The following FERMT2 variants were observed in gnomAD, a reference collection of about 807,000 sequenced individuals.
FERMT2 encodes FERM domain containing kindlin 2.
FERMT2 carries 15 observed loss-of-function variants against 82.7 expected under a neutral mutation model. That is an observed-to-expected ratio of 0.18 (90% CI 0.12 to 0.28). The LOEUF is 0.28. Among genes scored for constraint, FERMT2 ranks in the 10% least tolerant of loss-of-function variants. The pLI is 1.00. For synonymous variants in FERMT2, 274 were observed against 271.5 expected (o/e 1.01, Z -0.09); for missense variants, 645 against 809.4 (o/e 0.80, Z 2.46).
chr14:52,909,462 A>G (rs1888193074), intron 3 of FERMT2, among the ~76,000 whole-genome samples: 1 of 152,198 alleles, frequency 6.6e-6, no homozygotes, highest in African/African-American at 2.4e-5. Context: ...TATGTGAAAA[A>G]GAAGGCTCTT....
At chr14:52,948,385 G>A (rs1038759136) in intron 2 of FERMT2, among the ~76,000 whole-genome samples, 4 of 152,182 alleles carry the variant, frequency 2.6e-5, no homozygotes, top group Non-Finnish European at 5.9e-5. Flanking sequence ...GATAGGCAAC[G>A]AAATAGCTTA....
chr14:52,879,705 T>A (rs1042067821), intron 6 of FERMT2, among the ~76,000 whole-genome samples: 1 of 152,086 alleles, frequency 6.6e-6, no homozygotes, highest in South Asian at 2.1e-4. Context: ...AATGTAAACA[T>A]AACATTAAAA....
rs114495306 is a variant in FERMT2 at position 52,919,068 on chromosome 14, G to A, written c.391+55C>T. The A allele has an allele frequency of 2.1e-4, 261 of 1,219,832 alleles. 1 individual carries two copies. In the African/African-American group the frequency reaches 3.2e-3, roughly 15 times the overall value. 75.6% of individuals were successfully genotyped at this position (1,219,832 alleles called of 1,614,324 possible). A position where few individuals can be genotyped will look rare whatever the true frequency, so the allele number is the denominator to read the frequency against. ...CTTGGGATAAGCTATGTCAGTCATC[G>A]GTCATCTGTACATCACATAACTCGT... On this transcript the variant is annotated intron_variant, in intron 3 of 14. Transcript: ENST00000341590.
At chr14:52,892,166 G>GGTT (rs1269194279) in intron 4 of FERMT2, among the ~76,000 whole-genome samples, 1 of 128,862 alleles carries the variant, frequency 7.8e-6, no homozygotes, top group African/African-American at 2.9e-5. Flanking sequence ...GCTGTTTTTT[G>GGTT]TTTTTTTTTT....
intron 4 of FERMT2, among the ~76,000 whole-genome samples, chr14:52,890,272 ATC>A (rs1173337516): frequency 6.6e-6 from 1 of 151,534 alleles, no homozygotes; most frequent in African/African-American, 2.4e-5. Flanking sequence ...GTGAAACCCC[ATC>A]TCTACTAAAA....
Position 52,939,696 on chromosome 14 carries a change from G to C in FERMT2, c.157+10716C>G, listed in dbSNP as rs184229759. Among the ~76,000 whole-genome samples, 204 of 152,314 alleles carry C rather than the reference G, an allele frequency of 1.3e-3. 2 individuals are homozygous for C. The highest frequency in any genetic ancestry group is 4.6e-3 in the African/African-American group (191 of 41,562). On this transcript the variant is annotated intron_variant, in intron 2 of 14. Transcript: ENST00000341590. ...ATGGTCAAGTCAGGATTCTGACGTG[G>C]GTGGGCTGCCTCTCAGTCTATGCTC...
chr14:52,944,606 T>C (rs116843130), intron 2 of FERMT2, among the ~76,000 whole-genome samples: 1,802 of 152,348 alleles, frequency 0.012, 53 homozygotes, highest in East Asian at 0.074. Context: ...GCTCAATTAA[T>C]GAAACTTATT....
At chr14:52,874,670 T>G (rs1885840265) in intron 8 of FERMT2, among the ~76,000 whole-genome samples, 1 of 152,214 alleles carries the variant, frequency 6.6e-6, no homozygotes, top group Non-Finnish European at 1.5e-5. Flanking sequence ...AAGTGGATTT[T>G]TACCATGACT....
rs114662885 is a variant in FERMT2 at position 52,873,194 on chromosome 14, C to T, written c.1149-271G>A. Among the ~76,000 whole-genome samples, 1,446 of 152,264 alleles carry T rather than the reference C, an allele frequency of 9.5e-3. 24 individuals are homozygous for T. The highest frequency in any genetic ancestry group is 0.033 in the African/African-American group (1,367 of 41,540). On this transcript the variant is annotated intron_variant, in intron 9 of 14. Transcript: ENST00000341590. ...CAGTATTCTGCAGCTGTAGCCATCA[C>T]ATCTATCACTAACTAGCAGGTCACA...
chr14:52,887,332 G>A (rs1259866211), intron 4 of FERMT2, among the ~76,000 whole-genome samples: 1 of 151,874 alleles, frequency 6.6e-6, no homozygotes, highest in Non-Finnish European at 1.5e-5. Context: ...GGGAAACATG[G>A]CAAAACCTCA....
At chr14:52,948,742 A>T in intron 2 of FERMT2, among the ~76,000 whole-genome samples, 1 of 152,184 alleles carries the variant, frequency 6.6e-6, no homozygotes, top group East Asian at 1.9e-4. Context: ...AGAAACCATT[A>T]TTTATTCATT....
At chr14:52,884,225 A>T (rs1165977437) in intron 4 of FERMT2, among the ~76,000 whole-genome samples, 1 of 152,168 alleles carries the variant, frequency 6.6e-6, no homozygotes, top group Non-Finnish European at 1.5e-5. Context: ...TATTATTCTC[A>T]CTTCAGAGGA....
chr14:52,937,758 G>A (rs1386632015), intron 2 of FERMT2, among the ~76,000 whole-genome samples: 1 of 152,144 alleles, frequency 6.6e-6, no homozygotes, highest in Non-Finnish European at 1.5e-5. Context: ...AATAGAGCAT[G>A]AATGTATAGA....
chr14:52,902,442 T>C (rs1219667352), intron 3 of FERMT2, among the ~76,000 whole-genome samples: 26 of 151,558 alleles, frequency 1.7e-4, no homozygotes, highest in Non-Finnish European at 2.9e-5. Flanking sequence ...AGACTTTAGA[T>C]ATTAACAACA....
At chr14:52,883,080 G>A (rs11157933) in intron 4 of FERMT2, among the ~76,000 whole-genome samples, 115,133 of 152,018 alleles carry the variant, frequency 0.76, 46,701 homozygotes, top group Non-Finnish European at 0.89. Context: ...CGCTATTCGG[G>A]AGGCGAAGGC....
rs1409814664 is a variant in FERMT2 at position 52,872,779 on chromosome 14, C to A, written c.1273+20G>T. On this transcript the variant is annotated intron_variant, in intron 10 of 14. Transcript: ENST00000341590. ...ATGGGGATGCCACCATCAACAACAG[C>A]CGTGCCAGGCTCTCCTTACCCCTGA... 6 of 1,612,290 alleles carry A rather than the reference C, an allele frequency of 3.7e-6. No individual in the cohort carries two copies. Among genetic ancestry groups the A allele is most frequent in the Non-Finnish European group, 4.2e-6 (5 of 1,179,384 alleles).
rs770952986 is a variant in FERMT2, at chr14:52,898,604, C to T, written c.392-5177G>A. Among the ~76,000 whole-genome samples the T allele has an allele frequency of 2.4e-4, 36 of 152,270 alleles. 1 individual carries two copies. Among genetic ancestry groups the T allele is most frequent in the Admixed American group, 1.3e-4 (2 of 15,288 alleles). On this transcript the variant is annotated intron_variant, in intron 3 of 14. Transcript: ENST00000341590. ...TATGAATTCTACTTTTAATTCACAA[C>T]GTACCCTCAGCTTTAAATGCCAGTG...
At chr14:52,912,210 T>C (rs1006832482) in intron 3 of FERMT2, among the ~76,000 whole-genome samples, 33 of 152,194 alleles carry the variant, frequency 2.2e-4, no homozygotes, top group African/African-American at 7.5e-4. Flanking sequence ...TGCTCCTTCA[T>C]GTAAACACGA....
At chr14:52,898,292 T>A (rs896601834) in intron 3 of FERMT2, among the ~76,000 whole-genome samples, 3 of 152,288 alleles carry the variant, frequency 2.0e-5, no homozygotes, top group Non-Finnish European at 2.9e-5. Flanking sequence ...CTGGTTTTTT[T>A]AAAAAACATA....
Sources: gnomAD v4.1 joint callset for allele counts (sites outside exome capture counted in the v4.1 genomes callset) on GRCh38, gnomAD v4.1.1 for gene constraint, MANE v1.5 for transcripts, NCBI Gene and HGNC (gene_info 2026-07-23, HGNC 2026-07-21) for gene names.